The following HDAC9 variants were observed in gnomAD, a reference collection of about 807,000 sequenced individuals.
The protein encoded by HDAC9 is histone deacetylase 9.
In HDAC9, 41 loss-of-function variants were observed where a neutral mutation model predicts 139.4. The observed-to-expected ratio is 0.29, with a 90% CI of 0.23 to 0.38. The LOEUF (loss-of-function observed/expected upper bound fraction) is 0.38, where lower values mean the gene tolerates loss of function less well. HDAC9 is among the 10% of genes least tolerant of loss of function. HDAC9 has a pLI of 1.00. For synonymous variants in HDAC9, 517 were observed against 476.2 expected, an observed-to-expected ratio of 1.09 and a Z score of -1.12; for missense variants, 1,147 against 1,297.0, an observed-to-expected ratio of 0.88 and a Z score of 1.78.
In HDAC9 at chr7:18,625,828, C is replaced by T. The variant is rs186668032; in HGVS notation, c.665-3522C>T. Among the ~76,000 whole-genome samples, 451 of 151,572 alleles carry T rather than the reference C, an allele frequency of 3.0e-3. 2 individuals are homozygous for T. Among genetic ancestry groups the T allele is most frequent in the African/African-American group, 0.01 (421 of 41,294 alleles). On this transcript the variant is annotated intron_variant, in intron 6 of 25. Coordinates refer to ENST00000686413, the MANE Select transcript of HDAC9 (RefSeq NM_178425.4). ...GCATGGTGGCACATGCCTGTAGTCT[C>T]AGCTACCTGGGAGGCTGAGGCAGGA...
chr7:18,186,009 A>G (rs1789885491), intron 2 of HDAC9, among the ~76,000 whole-genome samples: 1 of 152,226 alleles, frequency 6.6e-6, no homozygotes, highest in Non-Finnish European at 1.5e-5. Context: ...TTCTAAGTGT[A>G]TTAAGTACTT....
intron 12 of HDAC9, among the ~76,000 whole-genome samples, chr7:18,703,975 A>G (rs1442289701): frequency 6.6e-6 from 1 of 152,170 alleles, no homozygotes; most frequent in Non-Finnish European, 1.5e-5. Flanking sequence ...TCCTGCCTTG[A>G]CTAATGTGGC....
chr7:18,410,290 G>T (rs1157617335), intron 1 of HDAC9, among the ~76,000 whole-genome samples: 1 of 152,184 alleles, frequency 6.6e-6, no homozygotes, highest in Non-Finnish European at 1.5e-5. Flanking sequence ...TTAGGGACAA[G>T]ATGAGTGTGT....
chr7:18,482,581 G>C (rs1795658076), intron 1 of HDAC9, among the ~76,000 whole-genome samples: 1 of 151,948 alleles, frequency 6.6e-6, no homozygotes, highest in African/African-American at 2.4e-5. Context: ...CAGAAGGATA[G>C]AAAATTGTAT....
chr7:18,170,407 G>A (rs1788337375), intron 2 of HDAC9, among the ~76,000 whole-genome samples: 1 of 152,146 alleles, frequency 6.6e-6, no homozygotes, highest in African/African-American at 2.4e-5. Flanking sequence ...TGTTCACTCT[G>A]ATAATAGTTT....
In HDAC9 at chr7:18,821,522, T is replaced by TG. The variant is rs1207091574; in HGVS notation, c.2323-7638dup. Among the ~76,000 whole-genome samples the TG allele has an allele frequency of 2.5e-4, 38 of 152,160 alleles. No individual in the cohort carries two copies. The East Asian group carries it at 6.2e-3, about 25-fold the overall frequency. On this transcript the variant is annotated intron_variant, in intron 17 of 25. Coordinates refer to ENST00000686413, the MANE Select transcript of HDAC9 (RefSeq NM_178425.4). ...GCGGTGGAGAAAGCAAGATGAATGG[T>TG]GATACAAAATAAAACTGATGCAGCG...
intron 17 of HDAC9, among the ~76,000 whole-genome samples, chr7:18,823,166 G>T (rs1324819524): frequency 6.6e-6 from 1 of 152,136 alleles, no homozygotes; most frequent in East Asian, 1.9e-4. Context: ...ATAGGATCAG[G>T]GATGGTGGGG....
chr7:18,488,803 AGATAAT>A (rs1442932759), intron 1 of HDAC9, among the ~76,000 whole-genome samples: 1 of 152,044 alleles, frequency 6.6e-6, no homozygotes, highest in Non-Finnish European at 1.5e-5. Context: ...AAATTGTACT[AGATAAT>A]GATGGTCACA....
chr7:18,818,422 T>G lies in HDAC9; in HGVS notation c.2323-10739T>G, dbSNP rs149853622. ...TAGTTTCCTAAAATAGTTATATTTA[T>G]AAAACTTAAGTAAAAATCTAATATT... On this transcript the variant is annotated intron_variant, in intron 17 of 25. Coordinates refer to ENST00000686413, the MANE Select transcript of HDAC9 (RefSeq NM_178425.4). 1.3e-3 allele frequency among the ~76,000 whole-genome samples: 194 copies of G among 152,334 alleles called. 3 individuals carry two copies. The East Asian group carries it at 0.028, about 22-fold the overall frequency.
At chr7:18,418,494 A>G (rs1789308156) in intron 1 of HDAC9, among the ~76,000 whole-genome samples, 2 of 151,708 alleles carry the variant, frequency 1.3e-5, no homozygotes, top group African/African-American at 2.4e-5. Flanking sequence ...ATGAAATAGT[A>G]TGATTGTGGG....
chr7:18,299,238 G>GA (rs920649474), intron 1 of HDAC9, among the ~76,000 whole-genome samples: 25 of 89,894 alleles, frequency 2.8e-4, no homozygotes, highest in African/African-American at 1.0e-3. Flanking sequence ...TTTTTTTTTT[G>GA]CAACACTGCA....
At chr7:18,845,741 C>T (rs375682504) in intron 21 of HDAC9, among the ~76,000 whole-genome samples, 44 of 152,104 alleles carry the variant, frequency 2.9e-4, no homozygotes, top group Non-Finnish European at 6.2e-4. Context: ...AGAGCAACAA[C>T]GACAACAAGC....
intron 1 of HDAC9, among the ~76,000 whole-genome samples, chr7:18,468,319 CACTT>C (rs769610391): frequency 6.6e-6 from 1 of 152,080 alleles, no homozygotes; most frequent in East Asian, 1.9e-4. Flanking sequence ...TTTATTTAAC[CACTT>C]ACTTAGATCA....
At chr7:18,757,082 A>G (rs534363730) in intron 14 of HDAC9, among the ~76,000 whole-genome samples, 1 of 152,196 alleles carries the variant, frequency 6.6e-6, no homozygotes, top group South Asian at 2.1e-4. Flanking sequence ...TTTTTTTAAG[A>G]AAGACAGATA....
chr7:18,353,978 G>A (rs1279417102), intron 1 of HDAC9, among the ~76,000 whole-genome samples: 3 of 152,032 alleles, frequency 2.0e-5, no homozygotes, highest in Non-Finnish European at 4.4e-5. Flanking sequence ...GAATGTTAGT[G>A]TATGCACATT....
chr7:18,597,588 A>G (rs1400886036), intron 6 of HDAC9, among the ~76,000 whole-genome samples: 2 of 152,134 alleles, frequency 1.3e-5, no homozygotes, highest in African/African-American at 2.4e-5. Context: ...GAGATTCTAC[A>G]TATGTGGTGA....
intron 21 of HDAC9, among the ~76,000 whole-genome samples, chr7:18,842,270 C>A (rs1796632289): frequency 1.3e-5 from 2 of 152,030 alleles, no homozygotes; most frequent in South Asian, 4.1e-4. Context: ...TTTCTTGAAA[C>A]AATTTGCCAA....
At chr7:18,370,024 A>C (rs1182954626) in intron 1 of HDAC9, among the ~76,000 whole-genome samples, 2 of 152,196 alleles carry the variant, frequency 1.3e-5, no homozygotes, top group African/African-American at 4.8e-5. Context: ...TTACTTTTCC[A>C]GTTCTTTTTT....
intron 2 of HDAC9, among the ~76,000 whole-genome samples, chr7:18,531,559 C>G (rs1366746242): frequency 1.3e-5 from 2 of 151,696 alleles, no homozygotes; most frequent in Admixed American, 6.6e-5. Flanking sequence ...CATTTTTCCC[C>G]TATGATTAAA....
Sources: allele counts gnomAD v4.1 joint callset (sites outside exome capture counted in the v4.1 genomes callset), GRCh38; gene constraint gnomAD v4.1.1; transcripts MANE v1.5; gene names NCBI Gene and HGNC (gene_info 2026-07-23, HGNC 2026-07-21).